VPS13B: variants seen among roughly 807,000 people sequenced by gnomAD.
VPS13B encodes the protein intermembrane lipid transfer protein VPS13B.
A neutral mutation model predicts 426.4 loss-of-function variants in VPS13B; 285 were observed. That is an observed-to-expected ratio of 0.67 (90% CI 0.61 to 0.74). The LOEUF (loss-of-function observed/expected upper bound fraction) is 0.74, where lower values mean the gene tolerates loss of function less well. Ranked by LOEUF, VPS13B falls within the 30% of genes least tolerant of loss-of-function variation. The probability of loss-of-function intolerance (pLI) is 0.00; values close to 1 mark genes in which losing one functional copy is unlikely to be tolerated. For missense variants in VPS13B, 4,537 were observed against 4,782.6 expected (o/e 0.95, Z 1.51); for synonymous variants, 1,676 against 1,676.4 (o/e 1.00, Z 0.01).
At chr8:99,522,300 C>T (rs962785594) in intron 30 of VPS13B, among the ~76,000 whole-genome samples, 1 of 152,062 alleles carries the variant, frequency 6.6e-6, no homozygotes. Flanking sequence ...AAATAGAGAC[C>T]TACTTTACTT....
intron 30 of VPS13B, among the ~76,000 whole-genome samples, chr8:99,526,366 G>A (rs546846553): frequency 1.3e-5 from 2 of 152,232 alleles, no homozygotes; most frequent in East Asian, 3.9e-4. Flanking sequence ...GAGAAGTGAC[G>A]TGATTCTTTT....
intron 23 of VPS13B, among the ~76,000 whole-genome samples, chr8:99,445,694 A>G (rs1817882108): frequency 6.6e-6 from 1 of 151,964 alleles, no homozygotes; most frequent in Non-Finnish European, 1.5e-5. Flanking sequence ...TGCATATTTA[A>G]TTTATTTAAT....
chr8:99,016,127 C>T (rs1841599749), intron 2 of VPS13B, among the ~76,000 whole-genome samples: 1 of 152,204 alleles, frequency 6.6e-6, no homozygotes. Flanking sequence ...TTTACTTACT[C>T]ATTCTCCTGT....
intron 31 of VPS13B, among the ~76,000 whole-genome samples, chr8:99,572,277 T>A (rs1362293205): frequency 1.3e-5 from 2 of 152,326 alleles, no homozygotes; most frequent in East Asian, 1.9e-4. Flanking sequence ...GTTTTCCAGT[T>A]TCATCTTTTA....
chr8:99,588,746 A>T (rs893865492), intron 33 of VPS13B, among the ~76,000 whole-genome samples: 31 of 151,762 alleles, frequency 2.0e-4, no homozygotes, highest in Admixed American at 2.6e-4. Flanking sequence ...ATATACAGTC[A>T]TGTCATCTGC....
chr8:99,360,341 G>A (rs975846580), intron 19 of VPS13B, among the ~76,000 whole-genome samples: 2 of 147,056 alleles, frequency 1.4e-5, no homozygotes, highest in Non-Finnish European at 3.0e-5. Flanking sequence ...GCAGTGGCAC[G>A]ATCTCAGCTC....
At chr8:99,090,921 C>A (rs2132413131) in intron 3 of VPS13B, among the ~76,000 whole-genome samples, 1 of 151,990 alleles carries the variant, frequency 6.6e-6, no homozygotes, top group East Asian at 1.9e-4. Flanking sequence ...GTGGATCTCA[C>A]AGTTTCAATT....
chr8:99,526,106 G>A (rs1822628306), intron 30 of VPS13B, among the ~76,000 whole-genome samples: 1 of 151,912 alleles, frequency 6.6e-6, no homozygotes, highest in Non-Finnish European at 1.5e-5. Flanking sequence ...AAGAAATGGG[G>A]GGGTGGGGAT....
At chr8:99,364,411 G>C (rs1812728614) in intron 19 of VPS13B, among the ~76,000 whole-genome samples, 1 of 151,868 alleles carries the variant, frequency 6.6e-6, no homozygotes, top group South Asian at 2.1e-4. Flanking sequence ...TTTCATTATA[G>C]ATATTGTCCC....
chr8:99,371,038 CCTT>C, intron 19 of VPS13B, among the ~76,000 whole-genome samples: 1 of 152,198 alleles, frequency 6.6e-6, no homozygotes, highest in African/African-American at 2.4e-5. Flanking sequence ...AAACATATAT[CCTT>C]CTAGGTTTTT....
Position 99,861,911 on chromosome 8 carries a change from G to T in VPS13B, c.11180G>T (p.Arg3727Leu). Residue 3727 changes from arginine to leucine, a missense_variant, in exon 58 of 62, where the codon CGA becomes CTA. Arg to Leu is a moderately radical substitution (Grantham distance 102, BLOSUM62 -2). Coordinates refer to ENST00000357162, the MANE Select transcript of VPS13B (RefSeq NM_152564.5). ...CCCGAGAGCCTGGGCGAGGGGCTTC[G>T]ACAGGGCCTGTCCCGGCTGGGCATC... ...QLPESLGEGL[R>L]QGLSRLGISL... The T allele has an allele frequency of 1.9e-6, 3 of 1,597,356 alleles. No individual in the cohort carries two copies. The highest frequency in any genetic ancestry group is 1.7e-5 in the Admixed American group (1 of 57,542).
intron 19 of VPS13B, chr8:99,341,060 GGTA>G (rs1196486880): frequency 1.9e-5 from 5 of 267,670 alleles, no homozygotes; most frequent in Non-Finnish European, 3.8e-5. Context: ...TAACTGATGC[GGTA>G]GTGTAATCAA....
chr8:99,098,526 G>A (rs1322421216), intron 4 of VPS13B, among the ~76,000 whole-genome samples: 1 of 151,726 alleles, frequency 6.6e-6, no homozygotes, highest in African/African-American at 2.4e-5. Context: ...CCTTTTTTTG[G>A]TTTGATATTT....
chr8:99,661,583 T>C, intron 35 of VPS13B, 92 bp downstream of exon 35: 3 of 1,478,102 alleles, frequency 2.0e-6, no homozygotes, highest in African/African-American at 1.4e-5. Flanking sequence ...TGACATTCCG[T>C]GCAAAAAATG....
At chr8:99,496,512 G>C (rs900791794) in intron 25 of VPS13B, among the ~76,000 whole-genome samples, 1 of 152,044 alleles carries the variant, frequency 6.6e-6, no homozygotes, top group Non-Finnish European at 1.5e-5. Context: ...TTACCCAGGC[G>C]TGGTGGCAGG....
chr8:99,186,840 G>A (rs899534422), intron 16 of VPS13B, among the ~76,000 whole-genome samples: 2 of 151,962 alleles, frequency 1.3e-5, no homozygotes, highest in African/African-American at 2.4e-5. Flanking sequence ...CTACCCTTGG[G>A]CATTACTAAA....
intron 33 of VPS13B, among the ~76,000 whole-genome samples, chr8:99,612,423 C>T (rs1165252908): frequency 6.6e-6 from 1 of 152,120 alleles, no homozygotes; most frequent in African/African-American, 2.4e-5. Context: ...GTATTTCCAG[C>T]CATGTGGTCC....
intron 39 of VPS13B, among the ~76,000 whole-genome samples, chr8:99,756,639 C>T (rs899219998): frequency 1.3e-5 from 2 of 152,144 alleles, no homozygotes; most frequent in Admixed American, 6.6e-5. Context: ...CAGCTGATTT[C>T]TCATCAAAAG....
intron 2 of VPS13B, among the ~76,000 whole-genome samples, chr8:99,015,288 C>T (rs951256753): frequency 3.4e-5 from 5 of 146,332 alleles, no homozygotes; most frequent in African/African-American, 1.3e-4. Context: ...ACGATCTCGG[C>T]TCACTGCAAG....
Sources: allele counts gnomAD v4.1 joint callset (sites outside exome capture counted in the v4.1 genomes callset), GRCh38; gene constraint gnomAD v4.1.1; transcripts MANE v1.5; gene names NCBI Gene and HGNC (gene_info 2026-07-23, HGNC 2026-07-21).